Variants in JAKMIP2 observed in about 807,000 individuals in gnomAD.
JAKMIP2 encodes the protein janus kinase and microtubule interacting protein 2.
In JAKMIP2, 25 loss-of-function variants were observed where a neutral mutation model predicts 115.0. The observed-to-expected ratio is 0.22, with a 90% confidence interval of 0.16 to 0.30. The LOEUF is 0.30. Ranked by LOEUF, JAKMIP2 falls within the 10% of genes least tolerant of loss-of-function variation. The pLI is 1.00. For synonymous variants in JAKMIP2, 334 were observed against 343.6 expected (o/e 0.97, Z 0.31); for missense variants, 642 against 957.6 (o/e 0.67, Z 4.35).
At chr5:147,596,281 G>A (rs1045026830) in intron 21 of JAKMIP2, among the ~76,000 whole-genome samples, 11 of 152,000 alleles carry the variant, frequency 7.2e-5, no homozygotes, top group South Asian at 2.1e-4. Flanking sequence ...TAGGATGGGG[G>A]TCAAGGTAAG....
chr5:147,730,996 C>G (rs970506640), intron 1 of JAKMIP2, among the ~76,000 whole-genome samples: 10 of 151,796 alleles, frequency 6.6e-5, no homozygotes, highest in African/African-American at 2.4e-4. Context: ...TTTTTTTAAC[C>G]ATGCTTTAAC....
chr5:147,650,285 A>G, intron 4 of JAKMIP2, 53 bp downstream of exon 4: 1 of 1,113,402 alleles, frequency 9.0e-7, no homozygotes, highest in Non-Finnish European at 1.4e-6. Context: ...AAAACTTGGG[A>G]GCTAAATAAA....
intron 1 of JAKMIP2, among the ~76,000 whole-genome samples, chr5:147,686,275 G>C (rs1760565283): frequency 6.6e-6 from 1 of 152,120 alleles, no homozygotes; most frequent in South Asian, 2.1e-4. Context: ...TTCATGAAGG[G>C]ACTGTGCAGT....
Position 147,650,379 on chromosome 5 carries a change from G to A in JAKMIP2, c.796C>T (p.Pro266Ser), listed in dbSNP as rs868282714. 1.2e-6 allele frequency: 2 copies of A among 1,613,706 alleles called. No individual in the cohort carries two copies. Among genetic ancestry groups the A allele is most frequent in the Non-Finnish European group, 1.7e-6 (2 of 1,179,690 alleles). The change falls in exon 4 of 22, where the codon CCA becomes TCA. Residue 266 changes from proline (P) to serine (S), a missense_variant. By Grantham distance (74) the Pro-to-Ser change is moderately conservative. Coordinates refer to ENST00000616793, the MANE Select transcript of JAKMIP2 (RefSeq NM_001270941.2). ...CNMSSPKREI[P>S]GRAGDGSEHC... is the part of the protein sequence containing the mutation. Reference sequence around the variant, plus strand: ...TCGGAACCATCACCTGCCCTTCCTGGAATTTCTCGTTTTGGGCTGCTCATG... The same window carrying A: ...TCGGAACCATCACCTGCCCTTCCTGAAATTTCTCGTTTTGGGCTGCTCATG...
In JAKMIP2 at chr5:147,661,181, C is replaced by A; in HGVS notation, c.394G>T (p.Ala132Ser). The A allele has an allele frequency of 6.2e-7, 1 of 1,614,098 alleles. No homozygotes were observed. The highest frequency in any genetic ancestry group is 8.5e-7 in the Non-Finnish European group (1 of 1,180,028). The change falls in exon 3 of 22, where the codon GCG (alanine) becomes TCG (serine). Residue 132 changes from alanine to serine, a missense_variant. By Grantham distance (99) the Ala-to-Ser change is moderately conservative (BLOSUM62 1). Transcript: ENST00000616793. ...TCCTCCCGGGCCTCAATGGTGAGCG[C>A]TGTCCTTACTTTGTCACTGCTGCCG... is the stretch of plus-strand genomic sequence containing the variant. ...RDGSSDKVRT[A>S]LTIEAREEAR...
chr5:147,667,381 CT>C (rs1320532589), intron 2 of JAKMIP2, among the ~76,000 whole-genome samples: 2 of 152,196 alleles, frequency 1.3e-5, no homozygotes, highest in African/African-American at 4.8e-5. Flanking sequence ...TGTCCTACTT[CT>C]GGTCTAGCCT....
intron 1 of JAKMIP2, among the ~76,000 whole-genome samples, chr5:147,677,485 C>T (rs941814523): frequency 6.6e-6 from 1 of 152,142 alleles, no homozygotes; most frequent in Non-Finnish European, 1.5e-5. Context: ...AGAGGAGTGA[C>T]ATCAGCAGAG....
intron 3 of JAKMIP2, among the ~76,000 whole-genome samples, chr5:147,655,279 C>A (rs988230035): frequency 6.6e-6 from 1 of 152,156 alleles, no homozygotes; most frequent in Admixed American, 6.5e-5. Context: ...AGGAATGGTA[C>A]CAGCTCCTCT....
chr5:147,691,051 C>CT (rs1419060904), intron 1 of JAKMIP2, among the ~76,000 whole-genome samples: 2 of 152,038 alleles, frequency 1.3e-5, no homozygotes, highest in African/African-American at 4.8e-5. Context: ...GTTAATGTGA[C>CT]GGACTACTCC....
In JAKMIP2 at chr5:147,589,446, CAA is replaced by C. The variant is rs33966431; in HGVS notation, c.*2259_*2260del. On this transcript the variant is annotated 3_prime_UTR_variant, in exon 22 of 22. Transcript: ENST00000616793. ...TGGGCAACAGAGCAAGACTCCATCT[CAA>C]AAAAAAAAAAAAAAAAGAATACAGC... is the stretch of plus-strand genomic sequence containing the variant. 0.74 allele frequency: 94,019 copies of C among 126,746 alleles called. 35,052 individuals carry two copies. Among genetic ancestry groups the C allele is most frequent in the Non-Finnish European group, 0.84 (50,383 of 60,228 alleles). 7.9% of individuals were successfully genotyped at this position (126,746 alleles called of 1,614,324 possible).
At chr5:147,615,258 A>G (rs963283117) in intron 19 of JAKMIP2, among the ~76,000 whole-genome samples, 2 of 152,136 alleles carry the variant, frequency 1.3e-5, no homozygotes, top group African/African-American at 4.8e-5. Context: ...CATTTTTAAA[A>G]TTTTCATCAG....
At chr5:147,716,918 C>G (rs1340861195) in intron 1 of JAKMIP2, among the ~76,000 whole-genome samples, 2 of 143,956 alleles carry the variant, frequency 1.4e-5, no homozygotes, top group East Asian at 4.0e-4. Context: ...GAAGTCCTTG[C>G]CCATGCCTAT....
At chr5:147,723,429 G>A (rs914742305) in intron 1 of JAKMIP2, among the ~76,000 whole-genome samples, 11 of 152,042 alleles carry the variant, frequency 7.2e-5, no homozygotes, top group Non-Finnish European at 1.0e-4. Context: ...GTACATTCTC[G>A]ATGGTATGTT....
intron 1 of JAKMIP2, among the ~76,000 whole-genome samples, chr5:147,762,346 T>C (rs1446362202): frequency 6.6e-6 from 1 of 152,188 alleles, no homozygotes; most frequent in African/African-American, 2.4e-5. Flanking sequence ...AATTTTCTCC[T>C]ATTATTTAAT....
chr5:147,777,386 G>A (rs765377977), intron 1 of JAKMIP2, among the ~76,000 whole-genome samples: 9 of 152,134 alleles, frequency 5.9e-5, no homozygotes, highest in East Asian at 1.9e-4. Flanking sequence ...TTGTTGACAC[G>A]GATAGATGGC....
At chr5:147,690,004 G>A (rs1043364041) in intron 1 of JAKMIP2, among the ~76,000 whole-genome samples, 2 of 152,156 alleles carry the variant, frequency 1.3e-5, no homozygotes, top group Non-Finnish European at 2.9e-5. Context: ...GCCCACACCT[G>A]TGCAACACTG....
At chr5:147,655,690 T>C (rs959069737) in intron 3 of JAKMIP2, among the ~76,000 whole-genome samples, 1 of 152,192 alleles carries the variant, frequency 6.6e-6, no homozygotes, top group Non-Finnish European at 1.5e-5. Context: ...TGTTTTTATC[T>C]GCTTCAGTTC....
chr5:147,736,033 C>G (rs980825669), intron 1 of JAKMIP2, among the ~76,000 whole-genome samples: 1 of 151,076 alleles, frequency 6.6e-6, no homozygotes, highest in African/African-American at 2.4e-5. Context: ...AAGGCAATGC[C>G]CATAAATCAA....
chr5:147,599,930 C>A (rs1411457818), intron 21 of JAKMIP2, among the ~76,000 whole-genome samples: 1 of 152,086 alleles, frequency 6.6e-6, no homozygotes, highest in East Asian at 1.9e-4. Flanking sequence ...GAACAGCTCC[C>A]AGGACATAAT....
Sources: allele counts gnomAD v4.1 joint callset (sites outside exome capture counted in the v4.1 genomes callset), GRCh38; gene constraint gnomAD v4.1.1; transcripts MANE v1.5; gene names NCBI Gene and HGNC (gene_info 2026-07-23, HGNC 2026-07-21).